KHDRBS2: variants seen among roughly 807,000 people sequenced by gnomAD.
KHDRBS2 encodes KH domain-containing, RNA-binding, signal transduction-associated protein 2.
Under a neutral mutation model 44.3 loss-of-function variants are expected in KHDRBS2, and 26 were observed. The ratio of observed to expected loss-of-function variants is 0.59; its 90% CI spans 0.43 to 0.81. KHDRBS2 has a LOEUF of 0.81. Among genes scored for constraint, KHDRBS2 ranks in the 40% least tolerant of loss-of-function variants. The probability of loss-of-function intolerance (pLI) is 0.00; values close to 1 mark genes in which losing one functional copy is unlikely to be tolerated. For synonymous variants in KHDRBS2, 194 were observed against 151.1 expected, an observed-to-expected ratio of 1.28 and a Z score of -2.08; for missense variants, 476 against 433.1, an observed-to-expected ratio of 1.10 and a Z score of -0.88.
At chr6:61,974,883 A>G (rs2127401073) in intron 4 of KHDRBS2, among the ~76,000 whole-genome samples, 1 of 152,006 alleles carries the variant, frequency 6.6e-6, no homozygotes, top group South Asian at 2.1e-4. Context: ...GTGAGCCGAG[A>G]TCGTTCCATT....
chr6:61,847,192 A>G (rs1794540457), intron 6 of KHDRBS2, among the ~76,000 whole-genome samples: 2 of 152,168 alleles, frequency 1.3e-5, no homozygotes, highest in Admixed American at 6.5e-5. Flanking sequence ...AATGAAAAAT[A>G]AGAGACTAAA....
chr6:61,582,886 C>A, the KHDRBS2 span, among the ~76,000 whole-genome samples: 1 of 151,564 alleles, frequency 6.6e-6, no homozygotes, highest in Admixed American at 6.6e-5. Context: ...TGCTATAAGT[C>A]TTTTCAAATC....
the KHDRBS2 span, among the ~76,000 whole-genome samples, chr6:61,582,396 G>A: frequency 4.1e-5 from 6 of 147,168 alleles, no homozygotes; most frequent in Non-Finnish European, 9.0e-5. Context: ...TATAATTCCA[G>A]AAAACTATAA....
In KHDRBS2 at chr6:62,162,783, G is replaced by A. The variant is rs147396721; in HGVS notation, c.219+14402C>T. Among the ~76,000 whole-genome samples the A allele has an allele frequency of 5.9e-5, 9 of 152,160 alleles. No individual in the cohort carries two copies. The East Asian group carries it at 1.7e-3, about 29-fold the overall frequency. ...TATATTTTGAACATAAGACTACTAA[G>A]TTTGCCTGGCACATTGGATAGAATG... On this transcript the variant is annotated intron_variant, in intron 2 of 8. Coordinates refer to ENST00000281156, the MANE Select transcript of KHDRBS2 (RefSeq NM_152688.4).
At chr6:61,608,330 ATATG>A in the KHDRBS2 span, among the ~76,000 whole-genome samples, 170 of 49,212 alleles carry the variant, frequency 3.5e-3, 1 homozygote, top group Non-Finnish European at 6.6e-3. Context: ...ATATATATAC[ATATG>A]TGTGTGTGTG....
intron 6 of KHDRBS2, among the ~76,000 whole-genome samples, chr6:61,738,518 T>A (rs968001007): frequency 1.3e-5 from 2 of 151,984 alleles, no homozygotes; most frequent in Non-Finnish European, 2.9e-5. Flanking sequence ...TCCTCTACAA[T>A]ATACTTAAGG....
chr6:61,985,812 T>C (rs1774953820), intron 3 of KHDRBS2, among the ~76,000 whole-genome samples: 1 of 152,150 alleles, frequency 6.6e-6, no homozygotes, highest in South Asian at 2.1e-4. Context: ...TACTGAGAAC[T>C]TCAGTATTAG....
the KHDRBS2 span, among the ~76,000 whole-genome samples, chr6:61,648,566 C>T: frequency 1.3e-5 from 2 of 152,088 alleles, no homozygotes; most frequent in South Asian, 2.1e-4. Context: ...GATGAACACA[C>T]GTTCTGCCTC....
chr6:62,046,619 A>T (rs1787756816), intron 3 of KHDRBS2, among the ~76,000 whole-genome samples: 1 of 151,966 alleles, frequency 6.6e-6, no homozygotes, highest in South Asian at 2.1e-4. Context: ...GTACAGACAT[A>T]GGTAATTATG....
In KHDRBS2 at chr6:61,713,984, G is replaced by C. The variant is rs1403951363; in HGVS notation, c.894-16731C>G. Among the ~76,000 whole-genome samples, 4 of 151,776 alleles carry C rather than the reference G, an allele frequency of 2.6e-5. No individual in the cohort carries two copies. In the East Asian group the frequency reaches 7.8e-4, roughly 29 times the overall value. On this transcript the variant is annotated intron_variant, in intron 7 of 8. Coordinates refer to ENST00000281156, the MANE Select transcript of KHDRBS2 (RefSeq NM_152688.4). Reference sequence around the variant, plus strand: ...AAAACTCTTCTACGCTTTGGTCTAAGCAAATAATTCATGACTAAGACCACA... The same window carrying C: ...AAAACTCTTCTACGCTTTGGTCTAACCAAATAATTCATGACTAAGACCACA...
chr6:61,987,230 C>T (rs1461433087), intron 3 of KHDRBS2, among the ~76,000 whole-genome samples: 1 of 152,128 alleles, frequency 6.6e-6, no homozygotes, highest in Non-Finnish European at 1.5e-5. Context: ...TCCAATATTA[C>T]TCTTACTAAA....
In KHDRBS2 at chr6:62,242,173, T is replaced by C. The variant is rs149816644; in HGVS notation, c.91+43685A>G. On this transcript the variant is annotated intron_variant, in intron 1 of 8. Transcript: ENST00000281156. Reference sequence around the variant, plus strand: ...TCACTAAGGGTACAGAGGATAAAACTATGTTTACAGACTTAAGAACCCAGT... The same window carrying C: ...TCACTAAGGGTACAGAGGATAAAACCATGTTTACAGACTTAAGAACCCAGT... 3.2e-3 allele frequency among the ~76,000 whole-genome samples: 488 copies of C among 152,290 alleles called. 4 individuals carry two copies. The highest frequency in any genetic ancestry group is 0.011 in the African/African-American group (453 of 41,570).
the KHDRBS2 span, among the ~76,000 whole-genome samples, chr6:61,668,069 G>A: frequency 2.7e-5 from 4 of 150,660 alleles, no homozygotes; most frequent in African/African-American, 9.7e-5. Flanking sequence ...CATTTTTATC[G>A]AGAACTTTAT....
At chr6:62,041,515 A>C (rs1182102677) in intron 3 of KHDRBS2, among the ~76,000 whole-genome samples, 1 of 152,102 alleles carries the variant, frequency 6.6e-6, no homozygotes, top group African/African-American at 2.4e-5. Context: ...ATGTCTTACA[A>C]TATGGTGGGA....
intron 8 of KHDRBS2, among the ~76,000 whole-genome samples, chr6:61,696,690 A>AT (rs1181454379): frequency 6.6e-6 from 1 of 152,164 alleles, no homozygotes; most frequent in Admixed American, 6.5e-5. Flanking sequence ...TAAGGAATAT[A>AT]TTTTTTAAAT....
chr6:62,205,503 C>T (rs1442494345), intron 1 of KHDRBS2, among the ~76,000 whole-genome samples: 1 of 152,060 alleles, frequency 6.6e-6, no homozygotes, highest in Non-Finnish European at 1.5e-5. Flanking sequence ...AACAATAAAG[C>T]ATTCTGTCCA....
chr6:62,230,301 A>G (rs1172405766), intron 1 of KHDRBS2, among the ~76,000 whole-genome samples: 16 of 152,234 alleles, frequency 1.1e-4, no homozygotes, highest in Non-Finnish European at 2.4e-4. Context: ...TGACAGAAGT[A>G]GCTAAAAAAT....
At chr6:62,107,043 T>A (rs1204490970) in intron 2 of KHDRBS2, among the ~76,000 whole-genome samples, 2 of 152,078 alleles carry the variant, frequency 1.3e-5, no homozygotes, top group African/African-American at 4.8e-5. Context: ...AAGACAGGGA[T>A]GCCCTCTCTC....
the KHDRBS2 span, among the ~76,000 whole-genome samples, chr6:61,565,710 A>T: frequency 2.6e-5 from 4 of 152,090 alleles, no homozygotes; most frequent in African/African-American, 9.7e-5. Flanking sequence ...TGTTGGTGGG[A>T]ATGTAAATGT....
Sources: allele counts gnomAD v4.1 joint callset (sites outside exome capture counted in the v4.1 genomes callset), GRCh38; gene constraint gnomAD v4.1.1; transcripts MANE v1.5; gene names NCBI Gene and HGNC (gene_info 2026-07-23, HGNC 2026-07-21).